COL28A1: variants seen among roughly 807,000 people sequenced by gnomAD.
The protein encoded by COL28A1 is collagen type XXVIII alpha 1 chain.
A neutral mutation model predicts 150.2 loss-of-function variants in COL28A1; 161 were observed. The observed-to-expected ratio is 1.07, with a 90% CI of 0.94 to 1.22. The LOEUF (loss-of-function observed/expected upper bound fraction) is 1.22. Ranked by LOEUF, COL28A1 falls within the 50% of genes most tolerant of loss-of-function variation. COL28A1 has a pLI of 0.00. For synonymous variants in COL28A1, 552 were observed against 469.7 expected, an observed-to-expected ratio of 1.18 and a Z score of -2.26; for missense variants, 1,617 against 1,388.3, an observed-to-expected ratio of 1.16 and a Z score of -2.62.
chr7:7,459,940 C>T (rs981849620), intron 15 of COL28A1, among the ~76,000 whole-genome samples: 1 of 152,202 alleles, frequency 6.6e-6, no homozygotes, highest in African/African-American at 2.4e-5. Context: ...TATCAAACAT[C>T]CTCCAATACT....
intron 27 of COL28A1, among the ~76,000 whole-genome samples, chr7:7,400,330 G>GCCTTCTCTCCT (rs1783101514): frequency 6.6e-6 from 1 of 152,140 alleles, no homozygotes; most frequent in Non-Finnish European, 1.5e-5. Context: ...ACAGACAGGA[G>GCCTTCTCTCCT]AGAAGAAGGC....
At chr7:7,530,950 A>C (rs910686891) in intron 3 of COL28A1, among the ~76,000 whole-genome samples, 29 of 152,256 alleles carry the variant, frequency 1.9e-4, no homozygotes, top group African/African-American at 6.5e-4. Flanking sequence ...ATACCTGTAC[A>C]GATGTGGAAT....
chr7:7,508,716 C>G (rs1282948171), intron 9 of COL28A1, among the ~76,000 whole-genome samples: 2 of 152,152 alleles, frequency 1.3e-5, no homozygotes, highest in East Asian at 1.9e-4. Flanking sequence ...GGGTCTTGCT[C>G]TGTTGCCCAG....
upstream of COL28A1, among the ~76,000 whole-genome samples, chr7:7,536,844 C>T (rs778247124): frequency 2.0e-5 from 3 of 152,300 alleles, no homozygotes; most frequent in Middle Eastern, 3.4e-3. Context: ...GCTTCACACA[C>T]ATTACCTCAT....
chr7:7,373,448 A>C lies in COL28A1; in HGVS notation c.2458T>G (p.Phe820Val), dbSNP rs375679131. ...GPENFQIIKN[F>V]VKTMADRVAL... Reference sequence around the variant, plus strand: ...ACCCGGTCAGCCATAGTCTTCACAAAATTTTTAATGATCTGAAAGTTCTCT... The same window carrying C: ...ACCCGGTCAGCCATAGTCTTCACAACATTTTTAATGATCTGAAAGTTCTCT... Residue 820 changes from phenylalanine to valine, a missense_variant, in exon 32 of 35, where the codon TTT (phenylalanine) becomes GTT (valine). Transcript: ENST00000399429. The surrounding 1 kb of genome is among the most constrained non-coding windows in gnomAD (Gnocchi z 4.1). 4 of 1,614,078 alleles carry C rather than the reference A, an allele frequency of 2.5e-6. No homozygotes were observed. In the South Asian group the frequency reaches 4.4e-5, roughly 18 times the overall value.
At chr7:7,513,976 G>A (rs1431713688) in intron 8 of COL28A1, among the ~76,000 whole-genome samples, 1 of 152,208 alleles carries the variant, frequency 6.6e-6, no homozygotes, top group Non-Finnish European at 1.5e-5. Flanking sequence ...TCTATTTTCT[G>A]ATGCTGCTGC....
rs1485044846 is a variant in COL28A1, at chr7:7,373,162, A to G, written c.2744T>C (p.Leu915Pro). 3 of 1,614,198 alleles carry G rather than the reference A, an allele frequency of 1.9e-6. No homozygotes were observed. The Admixed American group carries it at 5.0e-5, about 27-fold the overall frequency. Residue 915 changes from leucine to proline, a missense_variant, in exon 32 of 35, where the codon CTG becomes CCG. Leu to Pro is a moderately conservative substitution (Grantham distance 98). Transcript: ENST00000399429. This position sits in a 1 kb window ranked among gnomAD's most constrained non-coding sequence, Gnocchi z 4.1. The stretch of plus-strand genomic sequence containing the variant: ...ACTGGCATTCTTCACCACCTCTGTC[A>G]GTTTCTCTTTATCACGAGAATCTGT... ...GQTDSRDKEK[L>P]TEVVKNASDT...
Position 7,375,386 on chromosome 7 carries a change from C to T in COL28A1, c.2359+75G>A, listed in dbSNP as rs371393478. 962 of 1,350,118 alleles carry T rather than the reference C, an allele frequency of 7.1e-4. 4 individuals are homozygous for T. Among genetic ancestry groups the T allele is most frequent in the Non-Finnish European group, 9.1e-4 (919 of 1,013,684 alleles). The allele number at this position is 1,350,118 out of a possible 1,614,324, so 83.6% of individuals were successfully genotyped here. A position where few individuals can be genotyped will look rare whatever the true frequency, so the allele number is the denominator to read the frequency against. ...GCTATATAATATACATCTGGACGAA[C>T]ACATTCTGTCACCAGCACAGTACAT... On this transcript the variant is annotated intron_variant, in intron 31 of 34. Coordinates refer to ENST00000399429, the MANE Select transcript of COL28A1 (RefSeq NM_001037763.3).
In COL28A1 at chr7:7,532,889, G is replaced by GA; in HGVS notation, c.-15dup. The stretch of plus-strand genomic sequence containing the variant: ...TCTGTTCCACATTATGGTAGATGGT[G>GA]AAAAATCATCTGTCTTGTAGCACCT... On this transcript the variant is annotated 5_prime_UTR_variant, in exon 2 of 35. Transcript: ENST00000399429. 6.3e-7 allele frequency: 1 copy of GA among 1,588,042 alleles called. No homozygotes were observed. The highest frequency in any genetic ancestry group is 1.2e-5 in the South Asian group (1 of 85,266).
At chr7:7,437,271 GT>G (rs1208136780) in intron 22 of COL28A1, 122 bp downstream of exon 22, 1 of 1,407,756 alleles carries the variant, frequency 7.1e-7, no homozygotes, top group East Asian at 2.6e-5. Context: ...AAGTTTCAGA[GT>G]TAAACGGAAT....
chr7:7,442,740 T>G (rs1457116703), intron 20 of COL28A1, among the ~76,000 whole-genome samples: 1 of 152,038 alleles, frequency 6.6e-6, no homozygotes, highest in Non-Finnish European at 1.5e-5. Context: ...TAACTACACA[T>G]AAAAATAGAA....
At chr7:7,485,780 A>G (rs1779594131) in intron 13 of COL28A1, among the ~76,000 whole-genome samples, 1 of 151,192 alleles carries the variant, frequency 6.6e-6, no homozygotes, top group Non-Finnish European at 1.5e-5. Context: ...GTAGGTCTGA[A>G]TCTGGGGTCT....
chr7:7,477,063 C>T (rs190799042), intron 14 of COL28A1, 49 bp downstream of exon 14: 19 of 856,864 alleles, frequency 2.2e-5, no homozygotes, highest in Admixed American at 3.7e-5. Context: ...TTGTAATTCA[C>T]GAGCATGTAA....
At chr7:7,386,300 A>G (rs1782178530) in intron 27 of COL28A1, among the ~76,000 whole-genome samples, 1 of 152,220 alleles carries the variant, frequency 6.6e-6, no homozygotes, top group Non-Finnish European at 1.5e-5. Context: ...AAAAAAATCA[A>G]ATTTATAGAT....
At chr7:7,445,620 G>C (rs1786194285) in intron 18 of COL28A1, among the ~76,000 whole-genome samples, 1 of 152,124 alleles carries the variant, frequency 6.6e-6, no homozygotes, top group African/African-American at 2.4e-5. Context: ...TTTACGATTA[G>C]TAATAAATCC....
chr7:7,479,630 T>C (rs535849693), intron 13 of COL28A1, among the ~76,000 whole-genome samples: 1 of 152,318 alleles, frequency 6.6e-6, no homozygotes, highest in South Asian at 2.1e-4. Flanking sequence ...TATATGCAAA[T>C]TGAAATCTTG....
chr7:7,473,907 T>C (rs1425254692), intron 15 of COL28A1, among the ~76,000 whole-genome samples: 1 of 150,334 alleles, frequency 6.7e-6, no homozygotes, highest in Non-Finnish European at 1.5e-5. Context: ...ATATATAGTG[T>C]GTGTGTTTGT....
Position 7,444,485 on chromosome 7 carries a change from T to C in COL28A1, c.1514A>G (p.Glu505Gly), listed in dbSNP as rs1211665885. ...TCCTGGGAGCCCTATTGAGCCTGGCTCTCCCTGGTGAATGAACAAATATTT... is the reference window on the plus strand; with the variant it reads ...TCCTGGGAGCCCTATTGAGCCTGGCCCTCCCTGGTGAATGAACAAATATTT... ...VGIGVQGPKGEPGSIGLPGQP... is the reference protein window; with the variant it reads ...VGIGVQGPKGGPGSIGLPGQP... Residue 505 changes from glutamate to glycine, a missense_variant, in exon 19 of 35, where the codon GAG becomes GGG. By Grantham distance (98) the Glu-to-Gly change is moderately conservative (BLOSUM62 -2). Coordinates refer to ENST00000399429, the MANE Select transcript of COL28A1 (RefSeq NM_001037763.3). The C allele has an allele frequency of 6.2e-7, 1 of 1,613,718 alleles. No homozygotes were observed. The highest frequency in any genetic ancestry group is 2.2e-5 in the East Asian group (1 of 44,888).
At chr7:7,498,425 A>G (rs1385170898) in intron 11 of COL28A1, among the ~76,000 whole-genome samples, 1 of 152,186 alleles carries the variant, frequency 6.6e-6, no homozygotes, top group Non-Finnish European at 1.5e-5. Flanking sequence ...TGACAGCGTG[A>G]TAATGTTTCT....
Sources: allele counts gnomAD v4.1 joint callset (sites outside exome capture counted in the v4.1 genomes callset), GRCh38; gene constraint gnomAD v4.1.1; non-coding constraint Gnocchi (gnomAD v3.1); transcripts MANE v1.5; gene names NCBI Gene and HGNC (gene_info 2026-07-23, HGNC 2026-07-21).